DST: variants seen among roughly 807,000 people sequenced by gnomAD.
DST encodes the protein bullous pemphigoid antigen.
A neutral mutation model predicts 875.2 loss-of-function variants in DST; 253 were observed. That is an observed-to-expected ratio of 0.29 (90% CI 0.26 to 0.32). The LOEUF (loss-of-function observed/expected upper bound fraction) is 0.32, where lower values mean the gene tolerates loss of function less well. Among genes scored for constraint, DST ranks in the 10% least tolerant of loss-of-function variants. The probability of loss-of-function intolerance (pLI) is 1.00; values close to 1 mark genes in which losing one functional copy is unlikely to be tolerated. For synonymous variants in DST, 3,124 were observed against 3,197.1 expected, an observed-to-expected ratio of 0.98 and a Z score of 0.77; for missense variants, 8,287 against 9,111.6, an observed-to-expected ratio of 0.91 and a Z score of 3.68.
At chr6:56,857,768 T>C (rs1160993948) in intron 3 of DST, among the ~76,000 whole-genome samples, 1 of 152,210 alleles carries the variant, frequency 6.6e-6, no homozygotes, top group Non-Finnish European at 1.5e-5. Flanking sequence ...AAATATATGG[T>C]ATGGCCCAAG....
intron 81 of DST, 51 bp from the exon 82 acceptor site, chr6:56,497,558 A>G: frequency 6.3e-7 from 1 of 1,592,266 alleles, no homozygotes; most frequent in South Asian, 1.1e-5. Flanking sequence ...GTCAGTTTCA[A>G]GCAGGAAATA....
chr6:56,935,231 T>A (rs768377749), intron 2 of DST, among the ~76,000 whole-genome samples: 1 of 152,118 alleles, frequency 6.6e-6, no homozygotes, highest in Non-Finnish European at 1.5e-5. Flanking sequence ...AGCTAGGTAA[T>A]CCAAATATTT....
intron 72 of DST, among the ~76,000 whole-genome samples, chr6:56,513,291 C>T (rs1319698397): frequency 4.0e-5 from 6 of 150,574 alleles, no homozygotes; most frequent in Non-Finnish European, 8.8e-5. Flanking sequence ...AGTGCCGTGG[C>T]ACGATCTTGG....
At chr6:56,866,638 A>G (rs1416724862) in intron 3 of DST, among the ~76,000 whole-genome samples, 1 of 152,134 alleles carries the variant, frequency 6.6e-6, no homozygotes, top group Non-Finnish European at 1.5e-5. Flanking sequence ...CAATTACTCT[A>G]TGCCCCTTAT....
At chr6:56,883,024 C>T (rs886648511) in intron 3 of DST, among the ~76,000 whole-genome samples, 3 of 152,320 alleles carry the variant, frequency 2.0e-5, no homozygotes, top group Non-Finnish European at 2.9e-5. Flanking sequence ...CGTGCCACCA[C>T]ACCCAGCTGG....
At position 56,938,108 on chromosome 6, in the gene DST, CTATATATATA is replaced by C. The variant is rs3031114; in HGVS notation, c.216+15667_216+15676del. 2.5e-3 allele frequency among the ~76,000 whole-genome samples: 307 copies of C among 120,750 alleles called. 2 individuals carry two copies. Among genetic ancestry groups the C allele is most frequent in the Admixed American group, 2.9e-3 (35 of 12,254 alleles). 79.2% of individuals were successfully genotyped at this position (120,750 alleles called of 152,430 possible). ...TCTCTCTCTCTCTCTCTCTCTCTCT[CTATATATATA>C]TATATATATATATGTTTAAAAAAAA... On this transcript the variant is annotated intron_variant, in intron 2 of 103. Transcript: ENST00000680361.
At chr6:56,587,578 T>A (rs2098181647) in intron 49 of DST, among the ~76,000 whole-genome samples, 1 of 151,970 alleles carries the variant, frequency 6.6e-6, no homozygotes, top group African/African-American at 2.4e-5. Flanking sequence ...AAGATACTCC[T>A]CGAGAGGAGC....
rs1445272006 is a variant in DST, at chr6:56,477,308, C to T, written c.21675+37G>A. ...TTCCCACACCCCTCAACTCTCAAAG[C>T]TATTGCTACTCTGAAGATTATCTGA... On this transcript the variant is annotated intron_variant, in intron 91 of 103. Transcript: ENST00000680361. 4 of 1,598,244 alleles carry T rather than the reference C, an allele frequency of 2.5e-6. No individual in the cohort carries two copies. The African/African-American group carries it at 4.0e-5, about 16-fold the overall frequency.
rs113335666 is a variant in DST, at chr6:56,630,785, C to CTT, written c.4143-404_4143-403dup. On this transcript the variant is annotated intron_variant, in intron 30 of 103. Coordinates refer to ENST00000680361, the MANE Select transcript of DST (RefSeq NM_001374736.1). The stretch of plus-strand genomic sequence containing the variant: ...ATCAATCCATAAAAATAATGTATTT[C>CTT]TTTTTTTTTTTTTTTGAAATGGAGT... 1.3e-3 allele frequency among the ~76,000 whole-genome samples: 190 copies of CTT among 143,150 alleles called. 1 individual carries two copies. Among genetic ancestry groups the CTT allele is most frequent in the African/African-American group, 4.4e-3 (177 of 39,870 alleles). 93.9% of individuals were successfully genotyped at this position (143,150 alleles called of 152,430 possible).
At position 56,582,199 on chromosome 6, in the gene DST, CT is replaced by C. The variant is rs138995784; in HGVS notation, c.12904-3263del. Among the ~76,000 whole-genome samples, 1,449 of 152,296 alleles carry C rather than the reference CT, an allele frequency of 9.5e-3. 23 individuals carry two copies. Among genetic ancestry groups the C allele is most frequent in the African/African-American group, 0.033 (1,356 of 41,568 alleles). On this transcript the variant is annotated intron_variant, in intron 49 of 103. Coordinates refer to ENST00000680361, the MANE Select transcript of DST (RefSeq NM_001374736.1). ...ATATACATCTGACCACATATCACCC[CT>C]GATATAGTTTGGATATTTGTCCCCG...
At chr6:56,642,207 A>G in intron 16 of DST, 106 bp from the exon 17 acceptor site, 1 of 1,037,796 alleles carries the variant, frequency 9.6e-7, no homozygotes, top group Non-Finnish European at 1.5e-6. Context: ...GGCTTTCTTT[A>G]GTTTTCCTTG....
At chr6:56,476,946 C>T (rs550734887) in intron 91 of DST, among the ~76,000 whole-genome samples, 13 of 151,444 alleles carry the variant, frequency 8.6e-5, no homozygotes, top group Non-Finnish European at 1.3e-4. Context: ...ATCGAGACTC[C>T]GTCAAAAGAA....
intron 73 of DST, among the ~76,000 whole-genome samples, chr6:56,510,303 T>G (rs1211383300): frequency 6.6e-6 from 1 of 152,162 alleles, no homozygotes; most frequent in Non-Finnish European, 1.5e-5. Context: ...AATGAACTAT[T>G]ATGGCATCCT....
rs1351673574 is a variant in DST, at chr6:56,640,161, A to T, written c.2472T>A (p.Asn824Lys). ...INMKFVQDLL[N>K]WVDEMQVQLD... ...TTTTTACCTGCATCTCATCAACCCA[A>T]TTCAAAAGATCCTGAACAAATTTCA... The change falls in exon 18 of 104, where the codon AAT becomes AAA. Residue 824 changes from asparagine (N) to lysine (K), a missense_variant. Physicochemically the swap from Asn to Lys is moderately conservative, Grantham distance 94. This residue lies in a region of DST where 1,160 missense variants were observed against 1,424.3 expected (regional missense o/e 0.81). Coordinates refer to ENST00000680361, the MANE Select transcript of DST (RefSeq NM_001374736.1). 1.9e-6 allele frequency: 3 copies of T among 1,614,048 alleles called. No homozygotes were observed. The highest frequency in any genetic ancestry group is 2.5e-6 in the Non-Finnish European group (3 of 1,179,966).
At chr6:56,569,525 A>G (rs542957081) in intron 54 of DST, among the ~76,000 whole-genome samples, 3 of 152,164 alleles carry the variant, frequency 2.0e-5, no homozygotes, top group Non-Finnish European at 4.4e-5. Context: ...TGCTGAGTGA[A>G]GAGGATGTTT....
chr6:56,919,047 T>C (rs1047637950), intron 2 of DST, among the ~76,000 whole-genome samples: 2 of 152,164 alleles, frequency 1.3e-5, no homozygotes, highest in African/African-American at 4.8e-5. Context: ...TCACATGCTT[T>C]GCTCATTTTT....
intron 69 of DST, among the ~76,000 whole-genome samples, chr6:56,525,888 G>A (rs556256428): frequency 6.6e-6 from 1 of 152,056 alleles, no homozygotes; most frequent in Admixed American, 6.5e-5. Context: ...GTCATCTTCA[G>A]AAAAAAACTT....
At chr6:56,725,775 G>T (rs914103078) in intron 5 of DST, among the ~76,000 whole-genome samples, 1 of 152,056 alleles carries the variant, frequency 6.6e-6, no homozygotes, top group African/African-American at 2.4e-5. Flanking sequence ...CCCATTTAAG[G>T]AAATGCAATT....
intron 36 of DST, chr6:56,618,073 G>A (rs763371710): frequency 1.2e-6 from 2 of 1,614,090 alleles, no homozygotes; most frequent in South Asian, 2.2e-5. Context: ...TCAGGGCTTG[G>A]TCTCTTATCT....
Sources: allele counts gnomAD v4.1 joint callset (sites outside exome capture counted in the v4.1 genomes callset), GRCh38; gene constraint gnomAD v4.1.1; regional missense constraint gnomAD v4.1.1; transcripts MANE v1.5; gene names NCBI Gene and HGNC (gene_info 2026-07-23, HGNC 2026-07-21).